The following AFF1 variants were observed in gnomAD, a reference collection of about 807,000 sequenced individuals.
AFF1 encodes AF4/FMR2 family member 1.
AFF1 carries 48 observed loss-of-function variants against 121.7 expected under a neutral mutation model. That is an observed-to-expected ratio of 0.39 (90% CI 0.31 to 0.50). The LOEUF is 0.50. Among genes scored for constraint, AFF1 ranks in the 20% least tolerant of loss-of-function variants. The pLI, the probability that AFF1 is intolerant of heterozygous loss-of-function variation, is 0.76. For missense variants in AFF1, 1,523 were observed against 1,511.7 expected (o/e 1.01, Z -0.12); for synonymous variants, 613 against 563.0 (o/e 1.09, Z -1.26).
intron 4 of AFF1, chr4:87,049,612 A>C (rs1179015525): frequency 2.2e-6 from 1 of 454,938 alleles, no homozygotes; most frequent in East Asian, 7.0e-5. Flanking sequence ...TGCTGTCAAC[A>C]ATGGAGTAGA....
At chr4:86,967,461 G>A (rs530424803) in intron 2 of AFF1, among the ~76,000 whole-genome samples, 12 of 152,298 alleles carry the variant, frequency 7.9e-5, no homozygotes, top group African/African-American at 2.6e-4. Context: ...AGGGTAATGG[G>A]AAGCCATCAA....
intron 2 of AFF1, among the ~76,000 whole-genome samples, chr4:87,006,805 G>A (rs1413413383): frequency 6.6e-6 from 1 of 152,206 alleles, no homozygotes; most frequent in African/African-American, 2.4e-5. Context: ...GGCTCGGCCG[G>A]GGACCAGCAG....
At chr4:87,022,592 ATCTATCTGTGTG>A (rs1212774174) in intron 2 of AFF1, among the ~76,000 whole-genome samples, 48 of 99,770 alleles carry the variant, frequency 4.8e-4, no homozygotes, top group Non-Finnish European at 6.7e-4. Context: ...ATCTATCTAT[ATCTATCTGTGTG>A]TATATATATC....
chr4:87,060,835 C>CAAAAAAAAAAAAAA (rs749186199), intron 4 of AFF1, among the ~76,000 whole-genome samples: 25 of 62,218 alleles, frequency 4.0e-4, no homozygotes, highest in Admixed American at 6.8e-4. Flanking sequence ...GACTCTGTCT[C>CAAAAAAAAAAAAAA]AAAAAAAAAA....
At position 87,140,836 on chromosome 4, in the gene AFF1, TGAGA is replaced by T. The variant is rs1729656973; in HGVS notation, c.*5138_*5141del. ...GTCGTTTGAAAGAATATGTGATCTG[TGAGA>T]GAATTATAGTTTTTTTTTAGAAGAA... On this transcript the variant is annotated 3_prime_UTR_variant, in exon 21 of 21. Coordinates refer to ENST00000395146, the MANE Select transcript of AFF1 (RefSeq NM_001166693.3). The T allele has an allele frequency of 5.3e-6, 1 of 187,556 alleles. No homozygotes were observed. The highest frequency in any genetic ancestry group is 2.3e-5 in the African/African-American group (1 of 42,782). 11.6% of individuals were successfully genotyped at this position (187,556 alleles called of 1,614,324 possible).
At chr4:87,039,649 A>AG (rs1161138456) in intron 2 of AFF1, among the ~76,000 whole-genome samples, 5 of 152,210 alleles carry the variant, frequency 3.3e-5, no homozygotes, top group Admixed American at 2.0e-4. Flanking sequence ...ACAAATGTGG[A>AG]GGAGGTGGCT....
intron 2 of AFF1, among the ~76,000 whole-genome samples, chr4:87,019,915 C>G (rs1727727539): frequency 6.6e-6 from 1 of 151,958 alleles, no homozygotes; most frequent in East Asian, 1.9e-4. Context: ...ACTGAGCCCT[C>G]AACCTGTGGG....
At chr4:86,974,988 T>C (rs780772390) in intron 2 of AFF1, among the ~76,000 whole-genome samples, 15 of 152,212 alleles carry the variant, frequency 9.9e-5, no homozygotes, top group Non-Finnish European at 1.8e-4. Context: ...TGTAAAACCA[T>C]GACTGCTTGA....
chr4:87,030,593 G>A (rs1318707016), intron 2 of AFF1, among the ~76,000 whole-genome samples: 2 of 151,840 alleles, frequency 1.3e-5, no homozygotes, highest in African/African-American at 4.8e-5. Flanking sequence ...CAGGAAATAA[G>A]CGAACAGTTT....
chr4:87,133,803 T>G (rs950773126), intron 19 of AFF1, among the ~76,000 whole-genome samples: 1 of 152,224 alleles, frequency 6.6e-6, no homozygotes, highest in African/African-American at 2.4e-5. Flanking sequence ...TTAGTCCACA[T>G]TGAGTCACAT....
At chr4:87,065,996 G>A (rs1721314310) in intron 4 of AFF1, among the ~76,000 whole-genome samples, 1 of 152,174 alleles carries the variant, frequency 6.6e-6, no homozygotes, top group South Asian at 2.1e-4. Context: ...AGGTTCAAAG[G>A]AGATTGAGGC....
chr4:87,024,658 T>C (rs1728350200), intron 2 of AFF1, among the ~76,000 whole-genome samples: 1 of 152,210 alleles, frequency 6.6e-6, no homozygotes, highest in Non-Finnish European at 1.5e-5. Context: ...AGTGGCGCTA[T>C]CTGTTCACTG....
At chr4:87,043,907 C>T (rs1730410945) in intron 2 of AFF1, among the ~76,000 whole-genome samples, 2 of 152,160 alleles carry the variant, frequency 1.3e-5, no homozygotes, top group African/African-American at 4.8e-5. Flanking sequence ...CAGCCTCCGC[C>T]TCCTGGGTTC....
chr4:87,029,421 T>A (rs543575069), intron 2 of AFF1, among the ~76,000 whole-genome samples: 7 of 152,328 alleles, frequency 4.6e-5, no homozygotes, highest in Admixed American at 2.0e-4. Flanking sequence ...AGATGTCTTT[T>A]TATGTACGTA....
intron 4 of AFF1, among the ~76,000 whole-genome samples, chr4:87,077,132 C>T (rs575829662): frequency 4.6e-5 from 7 of 152,152 alleles, no homozygotes; most frequent in Non-Finnish European, 1.0e-4. Context: ...GTATGACTAA[C>T]AAAAAGGAGA....
intron 7 of AFF1, 142 bp downstream of exon 7, chr4:87,091,971 A>G (rs1020222915): frequency 7.4e-6 from 5 of 671,432 alleles, no homozygotes; most frequent in Non-Finnish European, 1.0e-5. Context: ...ACAAATATAA[A>G]ACTATTCTTT....
Position 87,114,648 on chromosome 4 carries a change from A to G in AFF1, c.1815A>G (p.Gln605=). 1 of 1,609,134 alleles carries G rather than the reference A, an allele frequency of 6.2e-7. No homozygotes were observed. The highest frequency in any genetic ancestry group is 8.5e-7 in the Non-Finnish European group (1 of 1,177,616). ...SPAQQEPPQR[Q]TVGTKQPKKP... is the part of the protein sequence containing the mutation. ...CACAGCAGGAGCCCCCACAAAGGCAAACCGTTGGAACCAAACAACCCAAAA... is the reference window on the plus strand; with the variant it reads ...CACAGCAGGAGCCCCCACAAAGGCAGACCGTTGGAACCAAACAACCCAAAA... The change falls in exon 12 of 21, where the codon CAA becomes CAG. Residue 605 remains glutamine (Q), a synonymous_variant. Coordinates refer to ENST00000395146, the MANE Select transcript of AFF1 (RefSeq NM_001166693.3).
At chr4:87,087,192 T>C (rs1162356813) in intron 5 of AFF1, among the ~76,000 whole-genome samples, 1 of 152,226 alleles carries the variant, frequency 6.6e-6, no homozygotes, top group Non-Finnish European at 1.5e-5. Context: ...GGTAGCACTA[T>C]TTATATGTTC....
intron 2 of AFF1, among the ~76,000 whole-genome samples, chr4:87,027,460 A>T (rs1222391009): frequency 1.3e-5 from 2 of 152,212 alleles, no homozygotes; most frequent in African/African-American, 2.4e-5. Context: ...TATTTCATAG[A>T]TAAATTTGTG....
Sources: gnomAD v4.1 joint callset for allele counts (sites outside exome capture counted in the v4.1 genomes callset) on GRCh38, gnomAD v4.1.1 for gene constraint, MANE v1.5 for transcripts, NCBI Gene and HGNC (gene_info 2026-07-23, HGNC 2026-07-21) for gene names.